STXBP3: variants seen among roughly 807,000 people sequenced by gnomAD.
STXBP3 encodes syntaxin binding protein 3.
A neutral mutation model predicts 85.7 loss-of-function variants in STXBP3; 41 were observed. The observed-to-expected ratio is 0.48, with a 90% CI of 0.37 to 0.62. The LOEUF is 0.62. STXBP3 is among the 20% of genes least tolerant of loss of function. The probability of loss-of-function intolerance (pLI) is 0.00; values close to 1 mark genes in which losing one functional copy is unlikely to be tolerated. For synonymous variants in STXBP3, 229 were observed against 231.7 expected (o/e 0.99, Z 0.10); for missense variants, 563 against 703.1 (o/e 0.80, Z 2.25).
At chr1:108,773,330 C>A (rs369168501) in intron 7 of STXBP3, among the ~76,000 whole-genome samples, 1 of 152,058 alleles carries the variant, frequency 6.6e-6, no homozygotes, top group Admixed American at 6.5e-5. Context: ...ATTGTCTATA[C>A]AGTAAGTCCT....
chr1:108,785,054 C>G (rs1047714263), intron 11 of STXBP3, among the ~76,000 whole-genome samples: 1 of 152,192 alleles, frequency 6.6e-6, no homozygotes, highest in Admixed American at 6.5e-5. Flanking sequence ...GTGTATGCAG[C>G]TTTTCCAGGC....
rs1570749395 is a variant in STXBP3, at chr1:108,759,849, T to A, written c.338-136T>A. On this transcript the variant is annotated intron_variant, in intron 5 of 18. Coordinates refer to ENST00000370008, the MANE Select transcript of STXBP3 (RefSeq NM_007269.4). ...TCTTTTGTAAAGCAAATAACAATAT[T>A]TATATATTATTTATGTCCTCATAAT... 8 of 554,670 alleles carry A rather than the reference T, an allele frequency of 1.4e-5. No individual in the cohort carries two copies. The East Asian group carries it at 2.8e-4, about 19-fold the overall frequency. The allele number at this position is 554,670 out of a possible 1,614,324, so 34.4% of individuals were successfully genotyped here.
intron 11 of STXBP3, among the ~76,000 whole-genome samples, chr1:108,792,779 G>T (rs2101130524): frequency 6.6e-6 from 1 of 152,294 alleles, no homozygotes; most frequent in East Asian, 1.9e-4. Flanking sequence ...CAGTTAAGTT[G>T]CTGAGGAATA....
At chr1:108,784,774 A>G (rs1486957906) in intron 11 of STXBP3, among the ~76,000 whole-genome samples, 2 of 152,236 alleles carry the variant, frequency 1.3e-5, no homozygotes, top group African/African-American at 4.8e-5. Context: ...CTTCCTAGAT[A>G]CAATGGAGGT....
At position 108,770,796 on chromosome 1, in the gene STXBP3, C is replaced by T. The variant is rs373558753; in HGVS notation, c.439-1869C>T. Among the ~76,000 whole-genome samples, 72 of 152,174 alleles carry T rather than the reference C, an allele frequency of 4.7e-4. 2 individuals carry two copies. The East Asian group carries it at 7.3e-3, about 15-fold the overall frequency. On this transcript the variant is annotated intron_variant, in intron 6 of 18. Coordinates refer to ENST00000370008, the MANE Select transcript of STXBP3 (RefSeq NM_007269.4). ...TCCTGGCTTTTGTATCCTCCAAATC[C>T]TCTAACCCAGTTCTTTGTACATAAG...
chr1:108,786,999 T>C (rs772520808), intron 11 of STXBP3, among the ~76,000 whole-genome samples: 2 of 152,214 alleles, frequency 1.3e-5, no homozygotes, highest in Non-Finnish European at 2.9e-5. Context: ...TATTTCTAGG[T>C]ATTTGATTTT....
intron 4 of STXBP3, among the ~76,000 whole-genome samples, chr1:108,757,343 T>C (rs1205520380): frequency 6.6e-6 from 1 of 152,060 alleles, no homozygotes; most frequent in African/African-American, 2.4e-5. Context: ...CTTATTCCCA[T>C]GTAGAACGTT....
At chr1:108,750,720 A>G (rs1412649969) in intron 1 of STXBP3, among the ~76,000 whole-genome samples, 8 of 152,178 alleles carry the variant, frequency 5.3e-5, no homozygotes, top group African/African-American at 1.9e-4. Context: ...CAGTCTCACA[A>G]TACTGCCTTC....
Position 108,776,227 on chromosome 1 carries a change from G to T in STXBP3, c.594-106G>T. ...TGTTTATAAAATAATTTTTCATTTT[G>T]TAAACATTTTTTAAATTTCAGTTTA... On this transcript the variant is annotated intron_variant, in intron 7 of 18. Coordinates refer to ENST00000370008, the MANE Select transcript of STXBP3 (RefSeq NM_007269.4). 6 of 632,074 alleles carry T rather than the reference G, an allele frequency of 9.5e-6. No homozygotes were observed. In the South Asian group the frequency reaches 1.4e-4, roughly 14 times the overall value. 39.2% of individuals were successfully genotyped at this position (632,074 alleles called of 1,614,324 possible).
At chr1:108,798,416 T>TTC (rs1295492522) in intron 16 of STXBP3, among the ~76,000 whole-genome samples, 179 bp downstream of exon 16, 2 of 148,848 alleles carry the variant, frequency 1.3e-5, no homozygotes, top group Non-Finnish European at 3.0e-5. Context: ...CTTTTTTTTT[T>TTC]TTTTTTTTTT....
intron 11 of STXBP3, among the ~76,000 whole-genome samples, chr1:108,787,136 T>C (rs2101127059): frequency 6.6e-6 from 1 of 152,322 alleles, no homozygotes; most frequent in Non-Finnish European, 1.5e-5. Flanking sequence ...TCTAGTACTT[T>C]GTTTATAGAT....
chr1:108,807,637 C>T (rs548350931), intron 18 of STXBP3, 88 bp downstream of exon 18: 47 of 1,391,162 alleles, frequency 3.4e-5, no homozygotes, highest in South Asian at 1.9e-4. Context: ...AGTGGAATGG[C>T]GCAATCTTGG....
intron 6 of STXBP3, chr1:108,766,820 A>G: frequency 3.1e-6 from 1 of 320,114 alleles, no homozygotes; most frequent in South Asian, 3.3e-5. Context: ...AACATTCATA[A>G]TCATGCCCTT....
intron 17 of STXBP3, among the ~76,000 whole-genome samples, chr1:108,803,640 C>T (rs1446970250): frequency 2.0e-5 from 3 of 152,146 alleles, no homozygotes; most frequent in South Asian, 2.1e-4. Context: ...AGATGTGCAC[C>T]ACCACACCCT....
chr1:108,761,850 G>A (rs1278301000), intron 6 of STXBP3, among the ~76,000 whole-genome samples: 1 of 152,054 alleles, frequency 6.6e-6, no homozygotes, highest in African/African-American at 2.4e-5. Context: ...ATTAGCACCT[G>A]TAGTCCCAGC....
In STXBP3 at chr1:108,793,157, A is replaced by ATTTTTTTTTCTTTT. The variant is rs751400870; in HGVS notation, c.964-416_964-415insCTTTTTTTTTTTTT. On this transcript the variant is annotated intron_variant, in intron 11 of 18. Transcript: ENST00000370008. ...CTCACAGCCCCAAGCTCTTATCTCCATTTTTTTTTTTTTTTTTTTTTTTTT... is the reference window on the plus strand; with the variant it reads ...CTCACAGCCCCAAGCTCTTATCTCCATTTTTTTTTCTTTTTTTTTTTTTTTTTTTTTTTTTTTTT... 6.0e-3 allele frequency among the ~76,000 whole-genome samples: 402 copies of ATTTTTTTTTCTTTT among 67,498 alleles called. 41 individuals carry two copies. Among genetic ancestry groups the ATTTTTTTTTCTTTT allele is most frequent in the African/African-American group, 0.019 (321 of 16,592 alleles). 44.3% of individuals were successfully genotyped at this position (67,498 alleles called of 152,430 possible). A position where few individuals can be genotyped will look rare whatever the true frequency, so the allele number is the denominator to read the frequency against.
At chr1:108,798,288 T>G (rs752952041) in intron 16 of STXBP3, 51 bp downstream of exon 16, 2 of 1,452,410 alleles carry the variant, frequency 1.4e-6, no homozygotes, top group Admixed American at 3.7e-5. Flanking sequence ...CTTTAGAGTA[T>G]TCTTTACTTT....
chr1:108,794,500 T>C lies in STXBP3; in HGVS notation c.1030-327T>C, dbSNP rs1044079499. Among the ~76,000 whole-genome samples, 24 of 152,204 alleles carry C rather than the reference T, an allele frequency of 1.6e-4. 1 individual carries two copies. The highest frequency in any genetic ancestry group is 5.5e-4 in the African/African-American group (23 of 41,458). The stretch of plus-strand genomic sequence containing the variant: ...ACACTTGTAAAACCATCAGATCTCA[T>C]GAGAACTCACTTACTATTATGAGAA... On this transcript the variant is annotated intron_variant, in intron 12 of 18. Coordinates refer to ENST00000370008, the MANE Select transcript of STXBP3 (RefSeq NM_007269.4).
In STXBP3 at chr1:108,802,166, G is replaced by A. The variant is rs539403729; in HGVS notation, c.1535+1861G>A. Among the ~76,000 whole-genome samples the A allele has an allele frequency of 8.5e-5, 13 of 152,208 alleles. No individual in the cohort carries two copies. In the East Asian group the frequency reaches 2.5e-3, roughly 30 times the overall value. On this transcript the variant is annotated intron_variant, in intron 17 of 18. Coordinates refer to ENST00000370008, the MANE Select transcript of STXBP3 (RefSeq NM_007269.4). ...AATCCCAGCACTTTGGGAGGCCGAG[G>A]CGGGCAGATCACTTGAGGTCAGGAG...
Sources: allele counts gnomAD v4.1 joint callset (sites outside exome capture counted in the v4.1 genomes callset), GRCh38; gene constraint gnomAD v4.1.1; transcripts MANE v1.5; gene names NCBI Gene and HGNC (gene_info 2026-07-23, HGNC 2026-07-21).